Variants in AXDND1 observed in about 807,000 individuals in gnomAD.
The protein encoded by AXDND1 is axonemal dynein light chain domain-containing protein 1.
A neutral mutation model predicts 137.5 loss-of-function variants in AXDND1; 110 were observed. The ratio of observed to expected loss-of-function variants is 0.80; its 90% CI spans 0.69 to 0.94. The LOEUF is 0.94. AXDND1 is among the 40% of genes least tolerant of loss of function. AXDND1 has a pLI of 0.00. For missense variants in AXDND1, 1,191 were observed against 1,169.8 expected (o/e 1.02, Z -0.26); for synonymous variants, 414 against 399.7 (o/e 1.04, Z -0.43).
At chr1:179,513,058 C>T (rs1669203396) in intron 21 of AXDND1, among the ~76,000 whole-genome samples, 1 of 152,154 alleles carries the variant, frequency 6.6e-6, no homozygotes, top group Non-Finnish European at 1.5e-5. Context: ...TTATTTCCTT[C>T]TCTTGTCTGA....
intron 12 of AXDND1, among the ~76,000 whole-genome samples, chr1:179,414,351 A>G (rs932585731): frequency 4.6e-5 from 7 of 152,120 alleles, no homozygotes; most frequent in Non-Finnish European, 1.0e-4. Flanking sequence ...GCTGTATAGC[A>G]TATCACTGGT....
chr1:179,374,287 A>G (rs545669348), intron 4 of AXDND1, among the ~76,000 whole-genome samples: 36 of 152,328 alleles, frequency 2.4e-4, no homozygotes, highest in African/African-American at 8.4e-4. Flanking sequence ...ACCATCTCAC[A>G]CCAGTTAGAA....
At chr1:179,395,242 A>C (rs1650865340) in intron 11 of AXDND1, 40 bp downstream of exon 11, 1 of 1,516,340 alleles carries the variant, frequency 6.6e-7, no homozygotes. Flanking sequence ...ATAGGGGAAA[A>C]GGAAGAAGCT....
chr1:179,489,209 A>T (rs1052467311), intron 18 of AXDND1, among the ~76,000 whole-genome samples: 2 of 152,208 alleles, frequency 1.3e-5, no homozygotes, highest in Non-Finnish European at 2.9e-5. Context: ...CACAAAAATT[A>T]TATTCACTTT....
chr1:179,459,392 A>G (rs1017010275), intron 16 of AXDND1, among the ~76,000 whole-genome samples: 1 of 152,162 alleles, frequency 6.6e-6, no homozygotes, highest in African/African-American at 2.4e-5. Context: ...AAATTAATAC[A>G]TAGGATAAGA....
chr1:179,484,031 C>T (rs1665734141), intron 18 of AXDND1, among the ~76,000 whole-genome samples: 1 of 152,120 alleles, frequency 6.6e-6, no homozygotes, highest in Non-Finnish European at 1.5e-5. Context: ...GATAGAGATG[C>T]TGGGCTAAAG....
At chr1:179,401,768 T>C (rs1652097150) in intron 11 of AXDND1, among the ~76,000 whole-genome samples, 1 of 152,008 alleles carries the variant, frequency 6.6e-6, no homozygotes, top group Non-Finnish European at 1.5e-5. Context: ...GCTTTCATTC[T>C]CTCTTTGCCT....
intron 16 of AXDND1, among the ~76,000 whole-genome samples, chr1:179,465,688 G>A (rs1663044774): frequency 6.6e-6 from 1 of 152,240 alleles, no homozygotes; most frequent in Non-Finnish European, 1.5e-5. Flanking sequence ...AGTTTCTGCT[G>A]CCTTTTGTTC....
chr1:179,431,341 C>T lies in AXDND1; in HGVS notation c.1487+735C>T, dbSNP rs145416229. ...ATTTTTAGTACAGACAGAGTTTTAC[C>T]ATGTTAGCCAGGCTGATCTCGAACT... is the stretch of plus-strand genomic sequence containing the variant. On this transcript the variant is annotated intron_variant, in intron 14 of 25. Coordinates refer to ENST00000367618, the MANE Select transcript of AXDND1 (RefSeq NM_144696.6). Among the ~76,000 whole-genome samples, 800 of 151,980 alleles carry T rather than the reference C, an allele frequency of 5.3e-3. 9 individuals are homozygous for T. The highest frequency in any genetic ancestry group is 0.019 in the African/African-American group (776 of 41,450).
intron 10 of AXDND1, among the ~76,000 whole-genome samples, chr1:179,394,504 C>G (rs1006711269): frequency 1.3e-5 from 2 of 152,052 alleles, no homozygotes; most frequent in Non-Finnish European, 2.9e-5. Flanking sequence ...GCAGGAGAAT[C>G]ACTTGAACCC....
chr1:179,499,685 C>T (rs1667801734), intron 20 of AXDND1, among the ~76,000 whole-genome samples: 1 of 152,046 alleles, frequency 6.6e-6, no homozygotes, highest in Non-Finnish European at 1.5e-5. Flanking sequence ...CAAAATTGGT[C>T]TGCTAAAAGA....
In AXDND1 at chr1:179,551,760, C is replaced by G. The variant is rs186799757; in HGVS notation, c.3032-2752C>G. On this transcript the variant is annotated intron_variant, in intron 25 of 25. Coordinates refer to ENST00000367618, the MANE Select transcript of AXDND1 (RefSeq NM_144696.6). Reference sequence around the variant, plus strand: ...CCAACATAGAGAAAAGATTAGCCAGCATTCCATGCAAAGGCATGACGTTAT... The same window carrying G: ...CCAACATAGAGAAAAGATTAGCCAGGATTCCATGCAAAGGCATGACGTTAT... 468 of 374,004 alleles carry G rather than the reference C, an allele frequency of 1.3e-3. 2 individuals are homozygous for G. Among genetic ancestry groups the G allele is most frequent in the Non-Finnish European group, 7.9e-4 (159 of 201,880 alleles). 23.2% of individuals were successfully genotyped at this position (374,004 alleles called of 1,614,324 possible). A position where few individuals can be genotyped will look rare whatever the true frequency, so the allele number is the denominator to read the frequency against.
chr1:179,452,407 CGCCGGGCGCGGTGGCTCACGCCTGTA>C, intron 16 of AXDND1: 1 of 151,848 alleles, frequency 6.6e-6, no homozygotes, highest in African/African-American at 2.4e-5. Context: ...AAGAAAATCC[CGCCGGGCGCGGTGGCTCACGCCTGTA>C]ATCCCAGCAC....
At chr1:179,479,014 C>T (rs1293736222) in intron 17 of AXDND1, among the ~76,000 whole-genome samples, 3 of 151,686 alleles carry the variant, frequency 2.0e-5, no homozygotes, top group African/African-American at 4.8e-5. Flanking sequence ...ACAGGAGAAT[C>T]GCTTGAACCT....
At chr1:179,430,253 G>A (rs7521106) in intron 13 of AXDND1, among the ~76,000 whole-genome samples, 199 bp from the exon 14 acceptor site, 44,524 of 151,592 alleles carry the variant, frequency 0.29, 6,746 homozygotes, top group Non-Finnish European at 0.31. Context: ...AAAAAATCTT[G>A]TCTCTTAATA....
At chr1:179,377,291 T>C (rs557723411) in intron 4 of AXDND1, among the ~76,000 whole-genome samples, 1 of 152,284 alleles carries the variant, frequency 6.6e-6, no homozygotes, top group East Asian at 1.9e-4. Flanking sequence ...TCCATGAGGG[T>C]AGGAACTTTT....
At position 179,383,430 on chromosome 1, in the gene AXDND1, T is replaced by A; in HGVS notation, c.639-12T>A. 6.2e-7 allele frequency: 1 copy of A among 1,603,346 alleles called. No homozygotes were observed. Among genetic ancestry groups the A allele is most frequent in the East Asian group, 2.2e-5 (1 of 44,750 alleles). The stretch of plus-strand genomic sequence containing the variant: ...ATGTTAATTGCATAAGTCTGCCACC[T>A]TAATTTTTTAGGAAACCTAATAAAA... On this transcript the variant is annotated splice_polypyrimidine_tract_variant and intron_variant, in intron 7 of 25. Transcript: ENST00000367618.
intron 17 of AXDND1, among the ~76,000 whole-genome samples, chr1:179,481,032 G>A (rs530291611): frequency 2.2e-4 from 33 of 150,496 alleles, no homozygotes; most frequent in African/African-American, 8.0e-4. Flanking sequence ...TGTGCACAAC[G>A]TGCAGGTTTG....
chr1:179,434,159 G>T (rs1657793897), intron 15 of AXDND1, among the ~76,000 whole-genome samples: 1 of 152,058 alleles, frequency 6.6e-6, no homozygotes, highest in African/African-American at 2.4e-5. Context: ...TTTTGTCAGA[G>T]ACTAGTGTTG....
Sources: gnomAD v4.1 joint callset for allele counts (sites outside exome capture counted in the v4.1 genomes callset) on GRCh38, gnomAD v4.1.1 for gene constraint, MANE v1.5 for transcripts, NCBI Gene and HGNC (gene_info 2026-07-23, HGNC 2026-07-21) for gene names.